GAS2L3: variants seen among roughly 807,000 people sequenced by gnomAD.
GAS2L3 encodes the protein GAS2-like protein 3.
GAS2L3 carries 28 observed loss-of-function variants against 37.0 expected under a neutral mutation model. That is an observed-to-expected ratio of 0.76 (90% CI 0.56 to 1.04). The LOEUF is 1.04. Among genes scored for constraint, GAS2L3 ranks in the 50% least tolerant of loss-of-function variants. GAS2L3 has a pLI of 0.00. For synonymous variants in GAS2L3, 290 were observed against 296.6 expected, an observed-to-expected ratio of 0.98 and a Z score of 0.23; for missense variants, 793 against 817.6, an observed-to-expected ratio of 0.97 and a Z score of 0.37.
Position 100,623,871 on chromosome 12 carries a change from G to C in GAS2L3, c.1066G>C (p.Ala356Pro). The change falls in exon 10 of 10, where the codon GCA (alanine) becomes CCA (proline). Residue 356 changes from alanine (A) to proline (P), a missense_variant. Transcript: ENST00000547754. ...QGRPPGALVP[A>P]SSLKGGNLGS... is the part of the protein sequence containing the mutation. ...ACGTCCACCAGGTGCATTGGTGCCA[G>C]CATCTTCACTGAAAGGAGGTAATCT... is the stretch of plus-strand genomic sequence containing the variant. The C allele has an allele frequency of 2.5e-6, 4 of 1,613,990 alleles. No individual in the cohort carries two copies. The South Asian group carries it at 3.3e-5, about 13-fold the overall frequency.
chr12:100,576,946 C>T (rs1955645252), intron 1 of GAS2L3, among the ~76,000 whole-genome samples: 1 of 152,284 alleles, frequency 6.6e-6, no homozygotes, highest in South Asian at 2.1e-4. Flanking sequence ...CTCATAGAGA[C>T]TTCCGCCTAC....
chr12:100,588,028 G>A (rs1955802107), intron 1 of GAS2L3, among the ~76,000 whole-genome samples: 1 of 151,992 alleles, frequency 6.6e-6, no homozygotes, highest in Non-Finnish European at 1.5e-5. Context: ...CTCCAGCCTG[G>A]GTGACAGAGC....
intron 1 of GAS2L3, among the ~76,000 whole-genome samples, chr12:100,584,001 T>G (rs889530804): frequency 2.6e-5 from 4 of 152,180 alleles, no homozygotes; most frequent in Non-Finnish European, 5.9e-5. Flanking sequence ...ACTGTCACAT[T>G]TCATCGATAG....
chr12:100,612,955 T>C (rs1463074434), intron 6 of GAS2L3, among the ~76,000 whole-genome samples: 1 of 152,196 alleles, frequency 6.6e-6, no homozygotes, highest in Non-Finnish European at 1.5e-5. Flanking sequence ...TACACACCCT[T>C]ATTGCCCTCA....
intron 1 of GAS2L3, among the ~76,000 whole-genome samples, chr12:100,584,990 G>T (rs562220938): frequency 1.2e-3 from 171 of 143,688 alleles, no homozygotes; most frequent in African/African-American, 4.3e-3. Context: ...CTGGGTTCAC[G>T]CCATTATCCT....
At chr12:100,588,894 C>T (rs1565799495) in intron 1 of GAS2L3, among the ~76,000 whole-genome samples, 1 of 152,124 alleles carries the variant, frequency 6.6e-6, no homozygotes, top group Non-Finnish European at 1.5e-5. Flanking sequence ...CACGGGCAGT[C>T]AGACCTTATG....
rs1956350383 is a variant in GAS2L3, at chr12:100,628,251, G to A, written c.*3361G>A. 1 of 152,038 alleles carries A rather than the reference G, an allele frequency of 6.6e-6. No homozygotes were observed. The highest frequency in any genetic ancestry group is 2.4e-5 in the African/African-American group (1 of 41,410). 9.4% of individuals were successfully genotyped at this position (152,038 alleles called of 1,614,324 possible). A position where few individuals can be genotyped will look rare whatever the true frequency, so the allele number is the denominator to read the frequency against. On this transcript the variant is annotated 3_prime_UTR_variant, in exon 10 of 10. Coordinates refer to ENST00000547754, the MANE Select transcript of GAS2L3 (RefSeq NM_174942.3). ...AGTATTTGTATCCAATTTTAACTTA[G>A]GTTTGTTTTCTTGAGTATTAAAATT...
At chr12:100,599,701 A>C (rs1955960630) in intron 3 of GAS2L3, among the ~76,000 whole-genome samples, 1 of 152,208 alleles carries the variant, frequency 6.6e-6, no homozygotes. Flanking sequence ...AGTCTCTGCT[A>C]TCTGCTAGGC....
chr12:100,587,938 G>C (rs1411558734), intron 1 of GAS2L3, among the ~76,000 whole-genome samples: 1 of 152,182 alleles, frequency 6.6e-6, no homozygotes, highest in East Asian at 1.9e-4. Flanking sequence ...TGTAGTCCCA[G>C]CTACTCGGGA....
chr12:100,620,519 A>G (rs940531395), intron 8 of GAS2L3, among the ~76,000 whole-genome samples: 1 of 151,922 alleles, frequency 6.6e-6, no homozygotes, highest in Non-Finnish European at 1.5e-5. Context: ...ACTGCTCAAT[A>G]TAAGTGAGAT....
chr12:100,600,140 T>C (rs146305458), intron 3 of GAS2L3, among the ~76,000 whole-genome samples: 3 of 152,272 alleles, frequency 2.0e-5, no homozygotes, highest in African/African-American at 4.8e-5. Context: ...GGTGGGAGGA[T>C]TGCTTGAGCC....
intron 5 of GAS2L3, among the ~76,000 whole-genome samples, chr12:100,611,780 T>A (rs1471983514): frequency 6.6e-6 from 1 of 152,126 alleles, no homozygotes; most frequent in African/African-American, 2.4e-5. Context: ...GTGGCCTGAT[T>A]GCTAACAGGC....
chr12:100,623,428 A>G (rs1956283978), intron 9 of GAS2L3, 134 bp from the exon 10 acceptor site: 1 of 645,830 alleles, frequency 1.5e-6, no homozygotes, highest in Non-Finnish European at 2.6e-6. Flanking sequence ...ACAAACTGTC[A>G]ATTTGTAGTG....
In GAS2L3 at chr12:100,628,148, T is replaced by G. The variant is rs1417111850; in HGVS notation, c.*3258T>G. 1 of 152,228 alleles carries G rather than the reference T, an allele frequency of 6.6e-6. No individual in the cohort carries two copies. The highest frequency in any genetic ancestry group is 1.5e-5 in the Non-Finnish European group (1 of 68,034). The allele number at this position is 152,228 out of a possible 1,614,324, so 9.4% of individuals were successfully genotyped here. On this transcript the variant is annotated 3_prime_UTR_variant, in exon 10 of 10. Coordinates refer to ENST00000547754, the MANE Select transcript of GAS2L3 (RefSeq NM_174942.3). ...ATTAAAAGGCTTCAACAACAGGTTG[T>G]TAGGATGTAGTCTTACATCCAGGTT...
intron 1 of GAS2L3, among the ~76,000 whole-genome samples, chr12:100,584,661 C>T (rs986658064): frequency 6.6e-6 from 1 of 151,998 alleles, no homozygotes; most frequent in Non-Finnish European, 1.5e-5. Context: ...GCAACCTCCG[C>T]ATCCCAGGTT....
At position 100,594,794 on chromosome 12, in the gene GAS2L3, T is replaced by C. The variant is rs1050025626; in HGVS notation, c.-30-81T>C. Reference sequence around the variant, plus strand: ...GTTTGCAGTCGAGTAAACACATTCCTAAATCTTGTAATTTGGGGGTTTGGG... The same window carrying C: ...GTTTGCAGTCGAGTAAACACATTCCCAAATCTTGTAATTTGGGGGTTTGGG... On this transcript the variant is annotated intron_variant, in intron 2 of 9. Coordinates refer to ENST00000547754, the MANE Select transcript of GAS2L3 (RefSeq NM_174942.3). 1.3e-5 allele frequency: 6 copies of C among 453,284 alleles called. No homozygotes were observed. In the Admixed American group the frequency reaches 2.7e-4, roughly 20 times the overall value. The allele number at this position is 453,284 out of a possible 1,614,324, so 28.1% of individuals were successfully genotyped here.
At position 100,612,101 on chromosome 12, in the gene GAS2L3, T is replaced by G. The variant is rs1187033315; in HGVS notation, c.405T>G (p.Ile135Met). Residue 135 changes from isoleucine to methionine, a missense_variant, in exon 6 of 10, where the codon ATT becomes ATG. Transcript: ENST00000547754. The stretch of plus-strand genomic sequence containing the variant: ...ACTTCCTTCACTGGTGTAGGGACAT[T>G]GGGGTTGATGAAACTTACCTCTTTG... ...TANFLHWCRD[I>M]GVDETYLFES... 6.2e-7 allele frequency: 1 copy of G among 1,612,896 alleles called. No homozygotes were observed. Among genetic ancestry groups the G allele is most frequent in the Non-Finnish European group, 8.5e-7 (1 of 1,179,118 alleles).
intron 6 of GAS2L3, among the ~76,000 whole-genome samples, chr12:100,613,629 A>G (rs939301323): frequency 5.4e-5 from 8 of 148,990 alleles, no homozygotes; most frequent in Admixed American, 4.7e-4. Flanking sequence ...GAGTCTCGCT[A>G]TGTCGCCCAG....
At position 100,591,781 on chromosome 12, in the gene GAS2L3, T is replaced by C. The variant is rs1298438417; in HGVS notation, c.-106T>C. On this transcript the variant is annotated 5_prime_UTR_variant, in exon 2 of 10. Coordinates refer to ENST00000547754, the MANE Select transcript of GAS2L3 (RefSeq NM_174942.3). The stretch of plus-strand genomic sequence containing the variant: ...AGAAGTTAACTACTCCAAAGTCATA[T>C]AGCCAGTATTTTCTGGAGCTGTAAT... 1.3e-5 allele frequency: 2 copies of C among 152,166 alleles called. No homozygotes were observed. Among genetic ancestry groups the C allele is most frequent in the African/African-American group, 4.8e-5 (2 of 41,452 alleles). 9.4% of individuals were successfully genotyped at this position (152,166 alleles called of 1,614,324 possible). A position where few individuals can be genotyped will look rare whatever the true frequency, so the allele number is the denominator to read the frequency against.
Sources: gnomAD v4.1 joint callset for allele counts (sites outside exome capture counted in the v4.1 genomes callset) on GRCh38, gnomAD v4.1.1 for gene constraint, MANE v1.5 for transcripts, NCBI Gene and HGNC (gene_info 2026-07-23, HGNC 2026-07-21) for gene names.